LDAH: variants seen among roughly 807,000 people sequenced by gnomAD.
LDAH encodes lipid droplet-associated hydrolase.
In LDAH, 26 loss-of-function variants were observed where a neutral mutation model predicts 29.6. The ratio of observed to expected loss-of-function variants is 0.88; its 90% CI spans 0.64 to 1.22. The LOEUF is 1.22. LDAH is among the 50% of genes most tolerant of loss of function. LDAH has a pLI of 0.00. For synonymous variants in LDAH, 117 were observed against 133.0 expected (o/e 0.88, Z 0.83); for missense variants, 344 against 387.3 (o/e 0.89, Z 0.94).
At chr2:20,712,314 C>G (rs560911063) in intron 5 of LDAH, among the ~76,000 whole-genome samples, 3 of 152,296 alleles carry the variant, frequency 2.0e-5, no homozygotes, top group African/African-American at 7.2e-5. Context: ...AGAAGGAAAA[C>G]TAACAAACAG....
chr2:20,687,086 A>AAATGTAAG lies in LDAH; in HGVS notation c.787_794dup (p.Tyr266LeufsTer8). Reference sequence around the variant, plus strand: ...ACCAAGGATCTATAGTACCATAATAAAATGTAAGCTGAAAGACAAGACAAA... The same window carrying AAATGTAAG: ...ACCAAGGATCTATAGTACCATAATAAAATGTAAGAATGTAAGCTGAAAGACAAGACAAA... On this transcript the variant is annotated frameshift_variant, in exon 7 of 7. Transcript: ENST00000237822. LOFTEE classifies it high-confidence loss of function. 1 of 1,602,918 alleles carries AAATGTAAG rather than the reference A, an allele frequency of 6.2e-7. No homozygotes were observed. The highest frequency in any genetic ancestry group is 2.2e-5 in the East Asian group (1 of 44,748).
intron 6 of LDAH, among the ~76,000 whole-genome samples, chr2:20,701,073 G>A (rs12475848): frequency 0.047 from 7,174 of 152,174 alleles, 239 homozygotes; most frequent in East Asian, 0.13. Context: ...CCAGATGTGT[G>A]TGTGCAAGAT....
chr2:20,682,516 T>C (rs927952434), downstream of LDAH, among the ~76,000 whole-genome samples: 1 of 152,210 alleles, frequency 6.6e-6, no homozygotes, highest in Non-Finnish European at 1.5e-5. Flanking sequence ...ATTTATTTCT[T>C]ACAGTTCTGG....
intron 3 of LDAH, chr2:20,789,200 T>C: frequency 6.4e-7 from 1 of 1,550,588 alleles, no homozygotes; most frequent in Non-Finnish European, 8.7e-7. Flanking sequence ...GGTGAAACCC[T>C]ATGCCCAAAT....
chr2:20,806,663 G>GAAATA (rs1347100049), intron 1 of LDAH, among the ~76,000 whole-genome samples: 1 of 151,494 alleles, frequency 6.6e-6, no homozygotes, highest in East Asian at 1.9e-4. Flanking sequence ...ACCACTGAAA[G>GAAATA]AATTTATAAG....
At chr2:20,812,246 A>C (rs895117372) in intron 1 of LDAH, among the ~76,000 whole-genome samples, 2 of 152,190 alleles carry the variant, frequency 1.3e-5, no homozygotes, top group African/African-American at 4.8e-5. Context: ...GAAATTCTCT[A>C]TTTTGGCTTC....
At chr2:20,695,188 T>C (rs1663348027) in intron 6 of LDAH, among the ~76,000 whole-genome samples, 2 of 152,270 alleles carry the variant, frequency 1.3e-5, no homozygotes, top group African/African-American at 2.4e-5. Flanking sequence ...ATGGTTCCTA[T>C]ACAACAGCTC....
chr2:20,756,628 A>T (rs879290435), intron 4 of LDAH, among the ~76,000 whole-genome samples: 1 of 152,236 alleles, frequency 6.6e-6, no homozygotes, highest in Non-Finnish European at 1.5e-5. Context: ...AATTAGATGA[A>T]TTGGAAGATA....
rs1368962093 is a variant in LDAH at position 20,684,319 on chromosome 2, A to G, written c.*2584T>C. The G allele has an allele frequency of 1.3e-5, 2 of 152,142 alleles. No homozygotes were observed. The highest frequency in any genetic ancestry group is 4.8e-5 in the African/African-American group (2 of 41,422). 9.4% of individuals were successfully genotyped at this position (152,142 alleles called of 1,614,324 possible). On this transcript the variant is annotated 3_prime_UTR_variant, in exon 7 of 7. Coordinates refer to ENST00000237822, the MANE Select transcript of LDAH (RefSeq NM_021925.4). ...GTCTCAACAATGTCTTTTATAACAA[A>G]AACATCCAATTCAGAATCAGATGTT...
chr2:20,716,209 C>T (rs888555572), intron 5 of LDAH, among the ~76,000 whole-genome samples: 2 of 152,050 alleles, frequency 1.3e-5, no homozygotes, highest in African/African-American at 2.4e-5. Context: ...CCATTTGATC[C>T]AGCGATCCCA....
chr2:20,797,364 A>G (rs1319997091), intron 2 of LDAH, among the ~76,000 whole-genome samples: 1 of 152,206 alleles, frequency 6.6e-6, no homozygotes, highest in Non-Finnish European at 1.5e-5. Context: ...CCACTCTTCA[A>G]ACAGGAGCCT....
chr2:20,767,746 T>C (rs1669141350), intron 4 of LDAH, among the ~76,000 whole-genome samples: 1 of 152,234 alleles, frequency 6.6e-6, no homozygotes, highest in Non-Finnish European at 1.5e-5. Flanking sequence ...TACCCCTGGC[T>C]GCCCATGGAC....
intron 5 of LDAH, among the ~76,000 whole-genome samples, chr2:20,728,589 T>C (rs1001818625): frequency 3.9e-5 from 6 of 152,090 alleles, no homozygotes; most frequent in Non-Finnish European, 7.4e-5. Context: ...GGAATCACCA[T>C]AGTGATGGTA....
At chr2:20,819,698 T>G (rs987343416) in intron 1 of LDAH, among the ~76,000 whole-genome samples, 1 of 152,110 alleles carries the variant, frequency 6.6e-6, no homozygotes, top group Non-Finnish European at 1.5e-5. Flanking sequence ...CTTTGAAAAC[T>G]GGCACAAGAC....
chr2:20,715,799 A>G (rs1487901723), intron 5 of LDAH, among the ~76,000 whole-genome samples: 1 of 150,592 alleles, frequency 6.6e-6, no homozygotes, highest in African/African-American at 2.4e-5. Context: ...AAGAGAATAA[A>G]ATACCTAGGA....
At position 20,698,989 on chromosome 2, in the gene LDAH, A is replaced by G. The variant is rs1285901346; in HGVS notation, c.786+2581T>C. The stretch of plus-strand genomic sequence containing the variant: ...AGAACCAAAGCCTGTAGATTATGGT[A>G]TGATAGTTCTCTTGGGGAGGAGAAA... On this transcript the variant is annotated intron_variant, in intron 6 of 6. Transcript: ENST00000237822. This position sits in a 1 kb window ranked among gnomAD's most constrained non-coding sequence, Gnocchi z 4.4. 2.6e-5 allele frequency among the ~76,000 whole-genome samples: 4 copies of G among 152,150 alleles called. No homozygotes were observed. The highest frequency in any genetic ancestry group is 4.8e-5 in the African/African-American group (2 of 41,434).
At chr2:20,753,623 CCT>C (rs1668110962) in intron 4 of LDAH, among the ~76,000 whole-genome samples, 1 of 152,128 alleles carries the variant, frequency 6.6e-6, no homozygotes, top group Non-Finnish European at 1.5e-5. Flanking sequence ...TGAAAGTTTC[CCT>C]GTCTTATTAC....
At chr2:20,799,887 C>T (rs764338558) in intron 2 of LDAH, among the ~76,000 whole-genome samples, 9 of 151,854 alleles carry the variant, frequency 5.9e-5, no homozygotes, top group Non-Finnish European at 1.3e-4. Flanking sequence ...GTAAAAGTAT[C>T]ATAAAACTGC....
chr2:20,799,089 T>C (rs1671493618), intron 2 of LDAH, among the ~76,000 whole-genome samples: 1 of 151,868 alleles, frequency 6.6e-6, no homozygotes, highest in Non-Finnish European at 1.5e-5. Flanking sequence ...TAGCCAGGCA[T>C]GGTGGCAGAC....
Sources: gnomAD v4.1 joint callset for allele counts (sites outside exome capture counted in the v4.1 genomes callset) on GRCh38, gnomAD v4.1.1 for gene constraint, Gnocchi (gnomAD v3.1) non-coding constraint, MANE v1.5 for transcripts, NCBI Gene and HGNC (gene_info 2026-07-23, HGNC 2026-07-21) for gene names.